The following ARHGEF3 variants were observed in gnomAD, a reference collection of about 807,000 sequenced individuals.
ARHGEF3 encodes Rho guanine nucleotide exchange factor 3, also known as 59.8 kDA protein.
In ARHGEF3, 28 loss-of-function variants were observed where a neutral mutation model predicts 63.2. The ratio of observed to expected loss-of-function variants is 0.44; its 90% CI spans 0.33 to 0.61. The LOEUF (loss-of-function observed/expected upper bound fraction) is 0.61. Among genes scored for constraint, ARHGEF3 ranks in the 20% least tolerant of loss-of-function variants. The probability of loss-of-function intolerance (pLI) is 0.03; values close to 1 mark genes in which losing one functional copy is unlikely to be tolerated. For missense variants in ARHGEF3, 533 were observed against 659.3 expected, an observed-to-expected ratio of 0.81 and a Z score of 2.10; for synonymous variants, 266 against 254.2, an observed-to-expected ratio of 1.05 and a Z score of -0.44.
chr3:56,781,787 T>C (rs1190028768), intron 1 of ARHGEF3, among the ~76,000 whole-genome samples: 1 of 152,238 alleles, frequency 6.6e-6, no homozygotes, highest in African/African-American at 2.4e-5. Context: ...TTACTCAGTA[T>C]GTGCAAAGTG....
intron 3 of ARHGEF3, among the ~76,000 whole-genome samples, chr3:56,906,264 CAAGTGCTCAATAGCT>C (rs1161284222): frequency 6.6e-6 from 1 of 152,216 alleles, no homozygotes; most frequent in African/African-American, 2.4e-5. Context: ...AGTCACATTT[CAAGTGCTCAATAGCT>C]AACTGAGGCT....
intron 4 of ARHGEF3, among the ~76,000 whole-genome samples, chr3:56,849,305 A>C (rs535822172): frequency 5.0e-4 from 76 of 152,346 alleles, no homozygotes; most frequent in African/African-American, 1.8e-3. Flanking sequence ...TATTTAAAAT[A>C]AAAATTACAT....
intron 2 of ARHGEF3, among the ~76,000 whole-genome samples, chr3:56,983,247 T>C (rs940666958): frequency 1.3e-5 from 2 of 152,116 alleles, no homozygotes; most frequent in African/African-American, 4.8e-5. Context: ...CAGTTCAATA[T>C]TTTAAAAAAT....
chr3:56,798,414 C>G (rs1200134760), intron 1 of ARHGEF3, among the ~76,000 whole-genome samples: 1 of 152,148 alleles, frequency 6.6e-6, no homozygotes, highest in Admixed American at 6.5e-5. Context: ...ATAACAGAAA[C>G]ACCTCTTTGT....
chr3:56,926,050 T>C lies in ARHGEF3; in HGVS notation c.129+32773A>G, dbSNP rs555820107. ...TCACAGGCCAGAGGAGACGCAGACCTGTACACAATGCTCACTGCTCAACCT... is the reference window on the plus strand; with the variant it reads ...TCACAGGCCAGAGGAGACGCAGACCCGTACACAATGCTCACTGCTCAACCT... On this transcript the variant is annotated intron_variant, in intron 3 of 12. Transcript: ENST00000338458. Among the ~76,000 whole-genome samples the C allele has an allele frequency of 1.4e-4, 22 of 152,324 alleles. No individual in the cohort carries two copies. In the Middle Eastern group the frequency reaches 0.017, roughly 118 times the overall value.
At chr3:56,995,620 C>CGA (rs66778716) in intron 2 of ARHGEF3, among the ~76,000 whole-genome samples, 3,359 of 112,892 alleles carry the variant, frequency 0.03, 86 homozygotes, top group African/African-American at 0.047. Flanking sequence ...GTAAATTTTC[C>CGA]GAGAGAGAGA....
chr3:56,873,323 C>A (rs1182187832), intron 4 of ARHGEF3, among the ~76,000 whole-genome samples: 1 of 151,644 alleles, frequency 6.6e-6, no homozygotes, highest in Non-Finnish European at 1.5e-5. Context: ...ATTTCATCAC[C>A]CAAATATTAA....
chr3:56,732,339 C>A lies in ARHGEF3; in HGVS notation c.1127G>T (p.Arg376Leu). 1 of 1,614,180 alleles carries A rather than the reference C, an allele frequency of 6.2e-7. No homozygotes were observed. Among genetic ancestry groups the A allele is most frequent in the South Asian group, 1.1e-5 (1 of 91,088 alleles). ...HNEQLCYQLY[R>L]QPIPVKDLLL... ...GAGGTCTTTCACGGGGATTGGCTGA[C>A]GGTACAGCTGGTAGCAAAGCTGCTC... Residue 376 changes from arginine to leucine, a missense_variant, in exon 9 of 10, where the codon CGT becomes CTT. By Grantham distance (102) the Arg-to-Leu change is moderately radical. Transcript: ENST00000296315.
intron 1 of ARHGEF3, among the ~76,000 whole-genome samples, chr3:57,046,637 G>T (rs1457299057): frequency 6.6e-6 from 1 of 152,180 alleles, no homozygotes; most frequent in Non-Finnish European, 1.5e-5. Flanking sequence ...AACACAACTC[G>T]GTTCTCCTAC....
chr3:56,854,119 C>T (rs544133268), intron 4 of ARHGEF3, among the ~76,000 whole-genome samples: 8 of 151,966 alleles, frequency 5.3e-5, no homozygotes, highest in South Asian at 2.1e-4. Flanking sequence ...GGTGTGAACC[C>T]GAGAGGCAGA....
chr3:57,065,455 C>T (rs1705475797), intron 1 of ARHGEF3, among the ~76,000 whole-genome samples: 1 of 150,692 alleles, frequency 6.6e-6, no homozygotes, highest in East Asian at 1.9e-4. Flanking sequence ...AGCAGGACTC[C>T]ATCACAAAAC....
chr3:57,052,188 AG>A (rs202029991), intron 1 of ARHGEF3, among the ~76,000 whole-genome samples: 2,914 of 152,344 alleles, frequency 0.019, 90 homozygotes, highest in African/African-American at 0.065. Context: ...CAAGGCCGCC[AG>A]CCAGCGTGCC....
intron 1 of ARHGEF3, among the ~76,000 whole-genome samples, chr3:57,065,194 C>T (rs1278436136): frequency 1.3e-5 from 2 of 152,172 alleles, no homozygotes; most frequent in African/African-American, 4.8e-5. Context: ...GTGGCTCACG[C>T]CTCACGCCTG....
At chr3:56,949,078 GC>G (rs1485610602) in intron 3 of ARHGEF3, among the ~76,000 whole-genome samples, 2 of 151,780 alleles carry the variant, frequency 1.3e-5, no homozygotes, top group Admixed American at 6.6e-5. Context: ...AAATTCAACA[GC>G]CCTTCATGCT....
At chr3:56,817,790 G>A (rs2038326474) in intron 4 of ARHGEF3, among the ~76,000 whole-genome samples, 3 of 152,174 alleles carry the variant, frequency 2.0e-5, no homozygotes, top group Admixed American at 2.0e-4. Flanking sequence ...GAACGTTGAT[G>A]GTCTTAACCA....
chr3:57,010,269 A>G (rs1477742773), intron 2 of ARHGEF3, among the ~76,000 whole-genome samples: 4 of 152,110 alleles, frequency 2.6e-5, no homozygotes, highest in South Asian at 4.2e-4. Context: ...CCTGGCTAAC[A>G]TGGTGAAACC....
At chr3:56,946,471 G>C (rs923776599) in intron 3 of ARHGEF3, among the ~76,000 whole-genome samples, 1 of 152,190 alleles carries the variant, frequency 6.6e-6, no homozygotes, top group East Asian at 1.9e-4. Flanking sequence ...TGAGAACTAC[G>C]TGATGAATGC....
chr3:56,912,836 G>GTA (rs1379875126), intron 3 of ARHGEF3, among the ~76,000 whole-genome samples: 1 of 152,152 alleles, frequency 6.6e-6, no homozygotes, highest in African/African-American at 2.4e-5. Context: ...TCACATCAAA[G>GTA]TATTAAAAAT....
chr3:57,012,915 C>T (rs1456247840), intron 2 of ARHGEF3, among the ~76,000 whole-genome samples: 2 of 152,230 alleles, frequency 1.3e-5, no homozygotes, highest in Admixed American at 6.5e-5. Context: ...GGGCTGCGCA[C>T]GGGCTCGCAG....
Sources: gnomAD v4.1 joint callset for allele counts (sites outside exome capture counted in the v4.1 genomes callset) on GRCh38, gnomAD v4.1.1 for gene constraint, MANE v1.5 for transcripts, NCBI Gene and HGNC (gene_info 2026-07-23, HGNC 2026-07-21) for gene names.